The following SHISA9 variants were observed in gnomAD, a reference collection of about 807,000 sequenced individuals.
The protein encoded by SHISA9 is protein shisa-9.
SHISA9 carries 13 observed loss-of-function variants against 38.0 expected under a neutral mutation model. The ratio of observed to expected loss-of-function variants is 0.34; its 90% CI spans 0.22 to 0.54. The LOEUF (loss-of-function observed/expected upper bound fraction) is 0.54, where lower values mean the gene tolerates loss of function less well. Among genes scored for constraint, SHISA9 ranks in the 20% least tolerant of loss-of-function variants. The pLI is 0.91. For synonymous variants in SHISA9, 275 were observed against 242.0 expected, an observed-to-expected ratio of 1.14 and a Z score of -1.27; for missense variants, 538 against 575.8, an observed-to-expected ratio of 0.93 and a Z score of 0.67.
the SHISA9 span, among the ~76,000 whole-genome samples, chr16:13,324,171 C>G: frequency 1.3e-5 from 2 of 152,202 alleles, no homozygotes; most frequent in African/African-American, 4.8e-5. Flanking sequence ...CTTGTACAGT[C>G]TGCAGAACTG....
chr16:13,205,815 G>A (rs1252245078), intron 3 of SHISA9, among the ~76,000 whole-genome samples: 5 of 151,962 alleles, frequency 3.3e-5, no homozygotes, highest in Admixed American at 6.6e-5. Context: ...TGGCTGGAGC[G>A]CAGTGGCACG....
At chr16:13,258,845 G>A in the SHISA9 span, among the ~76,000 whole-genome samples, 1 of 152,262 alleles carries the variant, frequency 6.6e-6, no homozygotes, top group South Asian at 2.1e-4. Flanking sequence ...CACAATACAT[G>A]GGAATTCTAG....
At chr16:12,983,524 T>C (rs1350292925) in intron 2 of SHISA9, among the ~76,000 whole-genome samples, 1 of 152,204 alleles carries the variant, frequency 6.6e-6, no homozygotes, top group Non-Finnish European at 1.5e-5. Flanking sequence ...AGTCTTGCCC[T>C]GTCACCCAGG....
At chr16:13,453,124 G>A in the SHISA9 span, among the ~76,000 whole-genome samples, 1 of 152,032 alleles carries the variant, frequency 6.6e-6, no homozygotes, top group Non-Finnish European at 1.5e-5. Flanking sequence ...TCCTGACCTT[G>A]TGATCTGCCT....
Position 13,237,161 on chromosome 16 carries a change from C to G in SHISA9, c.*1752C>G, listed in dbSNP as rs2051393007. ...AAGACTCAGAGTATTTTCTGAAATC[C>G]TGAGCTGCAAGGTTCTGCCTCACCT... is the stretch of plus-strand genomic sequence containing the variant. On this transcript the variant is annotated 3_prime_UTR_variant, in exon 5 of 5. Coordinates refer to ENST00000558583, the MANE Select transcript of SHISA9 (RefSeq NM_001145204.3). 6.6e-6 allele frequency: 1 copy of G among 152,126 alleles called. No individual in the cohort carries two copies. Among genetic ancestry groups the G allele is most frequent in the Non-Finnish European group, 1.5e-5 (1 of 68,036 alleles). 9.4% of individuals were successfully genotyped at this position (152,126 alleles called of 1,614,324 possible).
chr16:13,459,012 C>A, the SHISA9 span, among the ~76,000 whole-genome samples: 2 of 151,950 alleles, frequency 1.3e-5, no homozygotes, highest in African/African-American at 4.8e-5. Flanking sequence ...ACCACCACGC[C>A]TGGCTAATTT....
the SHISA9 span, among the ~76,000 whole-genome samples, chr16:13,359,665 A>G: frequency 1.3e-5 from 2 of 152,142 alleles, no homozygotes; most frequent in Non-Finnish European, 2.9e-5. Flanking sequence ...GTCAAATACC[A>G]CTAGAGGTAT....
intron 2 of SHISA9, among the ~76,000 whole-genome samples, chr16:13,157,840 ATTT>A (rs2050560626): frequency 6.6e-6 from 1 of 152,176 alleles, no homozygotes. Context: ...GTGAACACAG[ATTT>A]GAGTCTTGTT....
At chr16:12,960,034 T>C (rs1054859571) in intron 2 of SHISA9, among the ~76,000 whole-genome samples, 1 of 152,234 alleles carries the variant, frequency 6.6e-6, no homozygotes, top group Non-Finnish European at 1.5e-5. Flanking sequence ...CGCATTTCCT[T>C]TGAAGAAATG....
At chr16:13,263,794 C>G in the SHISA9 span, among the ~76,000 whole-genome samples, 1 of 152,024 alleles carries the variant, frequency 6.6e-6, no homozygotes, top group South Asian at 2.1e-4. Context: ...TAAGATGCCA[C>G]CTTTGGGAGA....
the SHISA9 span, among the ~76,000 whole-genome samples, chr16:13,285,462 GTTTTTTTTTTTTTT>G: frequency 4.2e-5 from 4 of 95,784 alleles, no homozygotes; most frequent in African/African-American, 1.7e-4. Context: ...TTCAGGTGTA[GTTTTTTTTTTTTTT>G]TTTTTTTTTT....
At chr16:13,476,968 G>A in the SHISA9 span, among the ~76,000 whole-genome samples, 10,070 of 151,790 alleles carry the variant, frequency 0.066, 458 homozygotes, top group Non-Finnish European at 0.1. Context: ...GGATGGTCTC[G>A]ATCTCCTGAC....
chr16:13,311,588 A>G, the SHISA9 span, among the ~76,000 whole-genome samples: 1 of 152,148 alleles, frequency 6.6e-6, no homozygotes, highest in East Asian at 1.9e-4. Context: ...CTAGAAGACT[A>G]CCTTTGTGGA....
chr16:12,921,465 A>G (rs1285959156), intron 2 of SHISA9, among the ~76,000 whole-genome samples: 2 of 152,184 alleles, frequency 1.3e-5, no homozygotes, highest in Non-Finnish European at 2.9e-5. Context: ...ATTCCCAAGT[A>G]TTTTAACATA....
rs925557549 is a variant in SHISA9 at position 13,237,524 on chromosome 16, A to G, written c.*2115A>G. The G allele has an allele frequency of 1.3e-5, 2 of 151,956 alleles. No individual in the cohort carries two copies. Among genetic ancestry groups the G allele is most frequent in the African/African-American group, 2.4e-5 (1 of 41,362 alleles). The allele number at this position is 151,956 out of a possible 1,614,324, so 9.4% of individuals were successfully genotyped here. A position where few individuals can be genotyped will look rare whatever the true frequency, so the allele number is the denominator to read the frequency against. On this transcript the variant is annotated 3_prime_UTR_variant, in exon 5 of 5. Transcript: ENST00000558583. ...CTAAAAATACAAACATTAGCTGGGC[A>G]TGGTGGTGGGTGCCTGTAATCCCAA...
the SHISA9 span, among the ~76,000 whole-genome samples, chr16:13,447,408 A>G: frequency 0.47 from 71,652 of 152,008 alleles, 18,066 homozygotes; most frequent in African/African-American, 0.64. Flanking sequence ...AATAACTGAT[A>G]GGTGGAAAGG....
chr16:13,163,912 C>A (rs1429738840), intron 2 of SHISA9, among the ~76,000 whole-genome samples: 1 of 151,890 alleles, frequency 6.6e-6, no homozygotes, highest in Non-Finnish European at 1.5e-5. Flanking sequence ...CAGAGATGAT[C>A]TCATCTGCAA....
intron 2 of SHISA9, among the ~76,000 whole-genome samples, chr16:12,965,255 A>G (rs1827546012): frequency 6.6e-6 from 1 of 152,168 alleles, no homozygotes; most frequent in East Asian, 1.9e-4. Flanking sequence ...AGGTATAATT[A>G]ATATACCATA....
chr16:13,367,324 A>T, the SHISA9 span, among the ~76,000 whole-genome samples: 1 of 148,342 alleles, frequency 6.7e-6, no homozygotes, highest in Non-Finnish European at 1.5e-5. Context: ...GGCAAACTAG[A>T]TACTATAAAC....
Sources: allele counts gnomAD v4.1 joint callset (sites outside exome capture counted in the v4.1 genomes callset), GRCh38; gene constraint gnomAD v4.1.1; transcripts MANE v1.5; gene names NCBI Gene and HGNC (gene_info 2026-07-23, HGNC 2026-07-21).